The following TUSC3 variants were observed in gnomAD, a reference collection of about 807,000 sequenced individuals.
TUSC3 encodes dolichyl-diphosphooligosaccharide--protein glycosyltransferase subunit TUSC3.
Under a neutral mutation model 44.8 loss-of-function variants are expected in TUSC3, and 45 were observed. The ratio of observed to expected loss-of-function variants is 1.00; its 90% CI spans 0.79 to 1.29. The LOEUF (loss-of-function observed/expected upper bound fraction) is 1.29, where lower values mean the gene tolerates loss of function less well. Ranked by LOEUF, TUSC3 falls within the 50% of genes most tolerant of loss-of-function variation. The probability of loss-of-function intolerance (pLI) is 0.00; values close to 1 mark genes in which losing one functional copy is unlikely to be tolerated. For synonymous variants in TUSC3, 212 were observed against 152.9 expected, an observed-to-expected ratio of 1.39 and a Z score of -2.85; for missense variants, 519 against 437.9, an observed-to-expected ratio of 1.19 and a Z score of -1.65.
At chr8:15,827,086 T>A in the TUSC3 span, among the ~76,000 whole-genome samples, 1 of 152,158 alleles carries the variant, frequency 6.6e-6, no homozygotes, top group Non-Finnish European at 1.5e-5. Flanking sequence ...TAGCATCCTA[T>A]TTCTAGTCTC....
At chr8:15,576,759 C>A (rs1356133096) in intron 1 of TUSC3, among the ~76,000 whole-genome samples, 1 of 137,442 alleles carries the variant, frequency 7.3e-6, no homozygotes, top group African/African-American at 2.8e-5. Context: ...GTGAATAATG[C>A]CGCAATAAAC....
chr8:15,484,207 T>A (rs55918312), intron 2 of TUSC3, among the ~76,000 whole-genome samples: 4,314 of 152,300 alleles, frequency 0.028, 210 homozygotes, highest in African/African-American at 0.097. Context: ...CATGCACTTA[T>A]GCAACCATAA....
intron 2 of TUSC3, among the ~76,000 whole-genome samples, chr8:15,635,917 C>T (rs888301456): frequency 6.6e-6 from 1 of 152,134 alleles, no homozygotes; most frequent in Non-Finnish European, 1.5e-5. Flanking sequence ...CGTTAAGTGA[C>T]CTCTTGGTGA....
intron 6 of TUSC3, among the ~76,000 whole-genome samples, chr8:15,700,002 C>A (rs186198996): frequency 6.6e-6 from 1 of 152,124 alleles, no homozygotes; most frequent in East Asian, 1.9e-4. Flanking sequence ...TTTTTATAAT[C>A]TTTTTATTAT....
intron 1 of TUSC3, among the ~76,000 whole-genome samples, chr8:15,476,960 C>T (rs1800584198): frequency 6.6e-6 from 1 of 152,166 alleles, no homozygotes; most frequent in South Asian, 2.1e-4. Flanking sequence ...AGTGAAGTTA[C>T]AAAGTTACAC....
chr8:15,722,711 C>T (rs1810346882), intron 6 of TUSC3, among the ~76,000 whole-genome samples: 1 of 151,986 alleles, frequency 6.6e-6, no homozygotes, highest in Admixed American at 6.6e-5. Flanking sequence ...CTGTAGAGCT[C>T]TGGACTCCCA....
intron 6 of TUSC3, among the ~76,000 whole-genome samples, chr8:15,715,346 G>T (rs574156790): frequency 2.6e-4 from 40 of 152,226 alleles, no homozygotes; most frequent in African/African-American, 9.4e-4. Context: ...GATGTGGTCT[G>T]TGGTCTGTCT....
intron 2 of TUSC3, among the ~76,000 whole-genome samples, chr8:15,513,623 A>G (rs909432611): frequency 6.6e-6 from 1 of 152,194 alleles, no homozygotes; most frequent in African/African-American, 2.4e-5. Context: ...AATGGTGGTC[A>G]AGTGCTTTGT....
At chr8:15,574,040 C>T (rs1802994859) in intron 1 of TUSC3, among the ~76,000 whole-genome samples, 1 of 152,072 alleles carries the variant, frequency 6.6e-6, no homozygotes, top group Non-Finnish European at 1.5e-5. Context: ...GGAAGTTATT[C>T]CAGACTTTTT....
rs374023591 is a variant in TUSC3 at position 15,565,166 on chromosome 8, CT to C, written c.138+24611del. Reference sequence around the variant, plus strand: ...TCCTGCTGGAAGCGTTGAGGGGAGCCTTTTTTTTTTTTTGTCTTTTGCAGTT... The same window carrying C: ...TCCTGCTGGAAGCGTTGAGGGGAGCCTTTTTTTTTTTTGTCTTTTGCAGTT... On this transcript the variant is annotated intron_variant, in intron 1 of 10. Coordinates refer to ENST00000503731, the MANE Select transcript of TUSC3 (RefSeq NM_006765.4). Among the ~76,000 whole-genome samples, 289 of 141,458 alleles carry C rather than the reference CT, an allele frequency of 2.0e-3. 1 individual carries two copies. Among genetic ancestry groups the C allele is most frequent in the Middle Eastern group, 3.7e-3 (1 of 268 alleles). 92.8% of individuals were successfully genotyped at this position (141,458 alleles called of 152,430 possible). A position where few individuals can be genotyped will look rare whatever the true frequency, so the allele number is the denominator to read the frequency against.
chr8:15,749,241 AC>A (rs1355618720), intron 9 of TUSC3, among the ~76,000 whole-genome samples: 1 of 152,148 alleles, frequency 6.6e-6, no homozygotes, highest in African/African-American at 2.4e-5. Context: ...AGGTAGTAGA[AC>A]CAGTGATATG....
At chr8:15,503,865 C>T (rs931192325) in intron 2 of TUSC3, among the ~76,000 whole-genome samples, 1 of 151,672 alleles carries the variant, frequency 6.6e-6, no homozygotes, top group African/African-American at 2.4e-5. Context: ...GTAATGGCTC[C>T]ACAGCTGGGT....
chr8:15,802,668 T>A, the TUSC3 span, among the ~76,000 whole-genome samples: 1 of 54,192 alleles, frequency 1.8e-5, no homozygotes, highest in South Asian at 4.1e-4. Context: ...GATTAATTAC[T>A]TTTTTTTTTT....
At chr8:15,738,984 C>A (rs1237582979) in intron 7 of TUSC3, among the ~76,000 whole-genome samples, 2 of 151,624 alleles carry the variant, frequency 1.3e-5, no homozygotes, top group Non-Finnish European at 2.9e-5. Flanking sequence ...AGGCACGCGC[C>A]ACCATGCCTG....
rs566959518 is a variant in TUSC3, at chr8:15,668,082, A to C, written c.709-5665A>C. Among the ~76,000 whole-genome samples, 105 of 151,906 alleles carry C rather than the reference A, an allele frequency of 6.9e-4. 1 individual carries two copies. The highest frequency in any genetic ancestry group is 2.5e-3 in the African/African-American group (104 of 41,508). ...TGCCTGCTATATAAATGCTGAAAGT[A>C]AGTGTTCTCCCACTGCAGTGAGGTG... is the stretch of plus-strand genomic sequence containing the variant. On this transcript the variant is annotated intron_variant, in intron 5 of 10. Coordinates refer to ENST00000503731, the MANE Select transcript of TUSC3 (RefSeq NM_006765.4).
chr8:15,417,521 C>G (rs1407742100), intron 1 of TUSC3, among the ~76,000 whole-genome samples: 1 of 152,138 alleles, frequency 6.6e-6, no homozygotes, highest in Admixed American at 6.6e-5. Flanking sequence ...TGTAAAACCA[C>G]AGATGTCCAG....
chr8:15,782,052 T>C, the TUSC3 span, among the ~76,000 whole-genome samples: 1 of 152,156 alleles, frequency 6.6e-6, no homozygotes, highest in Non-Finnish European at 1.5e-5. Flanking sequence ...GGATAATCGC[T>C]TGAACTCAGG....
chr8:15,501,191 A>G (rs965773430), intron 2 of TUSC3, among the ~76,000 whole-genome samples: 2 of 152,096 alleles, frequency 1.3e-5, no homozygotes, highest in Non-Finnish European at 2.9e-5. Flanking sequence ...TTTCTCTAAC[A>G]TGTTTTTCCC....
the TUSC3 span, among the ~76,000 whole-genome samples, chr8:15,808,433 A>T: frequency 6.6e-6 from 1 of 152,222 alleles, no homozygotes; most frequent in South Asian, 2.1e-4. Flanking sequence ...TATCAGTGAG[A>T]GTTTTTGATA....
Sources: gnomAD v4.1 joint callset for allele counts (sites outside exome capture counted in the v4.1 genomes callset) on GRCh38, gnomAD v4.1.1 for gene constraint, MANE v1.5 for transcripts, NCBI Gene and HGNC (gene_info 2026-07-23, HGNC 2026-07-21) for gene names.